The following IGF2R variants were observed in gnomAD, a reference collection of about 807,000 sequenced individuals.
IGF2R encodes the protein cation-independent mannose-6-phosphate receptor.
Under a neutral mutation model 270.6 loss-of-function variants are expected in IGF2R, and 91 were observed. The ratio of observed to expected loss-of-function variants is 0.34; its 90% confidence interval spans 0.28 to 0.40. The LOEUF (loss-of-function observed/expected upper bound fraction) is 0.40. IGF2R is among the 10% of genes least tolerant of loss of function. The pLI is 1.00. For missense variants in IGF2R, 2,805 were observed against 3,188.3 expected (o/e 0.88, Z 2.90); for synonymous variants, 1,316 against 1,258.9 (o/e 1.05, Z -0.96).
chr6:160,028,828 CTTTTT>C (rs540300763), intron 6 of IGF2R, among the ~76,000 whole-genome samples: 1 of 139,856 alleles, frequency 7.2e-6, no homozygotes, highest in Non-Finnish European at 1.6e-5. Context: ...GCTTGTCTGC[CTTTTT>C]TTTTTTTTAA....
intron 29 of IGF2R, among the ~76,000 whole-genome samples, chr6:160,066,181 A>T (rs1166394803): frequency 1.3e-5 from 2 of 151,422 alleles, no homozygotes; most frequent in Non-Finnish European, 2.9e-5. Flanking sequence ...CACCTGGCGA[A>T]TTTTTTTGTA....
At chr6:160,064,645 TTAAAA>T (rs2115265518) in intron 28 of IGF2R, 114 bp downstream of exon 28, 1 of 1,267,080 alleles carries the variant, frequency 7.9e-7, no homozygotes, top group Non-Finnish European at 1.1e-6. Context: ...TTAACTGAGT[TTAAAA>T]TAACCATTTA....
At chr6:160,029,018 G>A (rs968291148) in intron 6 of IGF2R, among the ~76,000 whole-genome samples, 1 of 152,134 alleles carries the variant, frequency 6.6e-6, no homozygotes, top group African/African-American at 2.4e-5. Flanking sequence ...GGGTCTTGCT[G>A]TGTCACGTAG....
Position 160,061,567 on chromosome 6 carries a change from T to A in IGF2R, c.3327T>A (p.Val1109=). 1 of 1,614,118 alleles carries A rather than the reference T, an allele frequency of 6.2e-7. No homozygotes were observed. The highest frequency in any genetic ancestry group is 1.1e-5 in the South Asian group (1 of 91,078). The part of the protein sequence containing the change: ...LSTVRKPWTA[V]DTSVDGRKRT... Reference sequence around the variant, plus strand: ...CAGTCAGGAAACCTTGGACGGCTGTTGACACCTCTGTCGATGGGAGAAAGA... The same window carrying A: ...CAGTCAGGAAACCTTGGACGGCTGTAGACACCTCTGTCGATGGGAGAAAGA... Residue 1109 remains valine (V), a synonymous_variant, in exon 24 of 48, where the codon GTT becomes GTA. Transcript: ENST00000356956.
rs9457821 is a variant in IGF2R at position 160,074,411 on chromosome 6, G to C, written c.5166+436G>C. On this transcript the variant is annotated intron_variant, in intron 35 of 47. Coordinates refer to ENST00000356956, the MANE Select transcript of IGF2R (RefSeq NM_000876.4). ...AAGGGCAAGAGTACGTTTGCTAATA[G>C]CTAAATATTTTGCCTTAAAAGCTTT... Among the ~76,000 whole-genome samples, 338 of 152,350 alleles carry C rather than the reference G, an allele frequency of 2.2e-3. 1 individual carries two copies. Among genetic ancestry groups the C allele is most frequent in the African/African-American group, 8.1e-3 (335 of 41,584 alleles).
In IGF2R at chr6:160,063,806, T is replaced by A. The variant is rs147231574; in HGVS notation, c.3886+176T>A. On this transcript the variant is annotated intron_variant, in intron 27 of 47. Transcript: ENST00000356956. ...GCTTGATTTTCTTAAACAGAGTACA[T>A]ACTGAAGGATGTTGGTAGAGCATGT... is the stretch of plus-strand genomic sequence containing the variant. 4.1e-3 allele frequency among the ~76,000 whole-genome samples: 618 copies of A among 152,160 alleles called. 8 individuals carry two copies. The highest frequency in any genetic ancestry group is 0.014 in the African/African-American group (596 of 41,522).
chr6:160,085,956 C>A (rs924212454), intron 41 of IGF2R, among the ~76,000 whole-genome samples: 13 of 152,268 alleles, frequency 8.5e-5, no homozygotes, highest in South Asian at 2.1e-4. Flanking sequence ...ATTGCTGCCA[C>A]TCCCACACTG....
intron 18 of IGF2R, 93 bp downstream of exon 18, chr6:160,048,636 C>T (rs1778124221): frequency 1.5e-6 from 2 of 1,310,078 alleles, no homozygotes; most frequent in Admixed American, 2.3e-5. Context: ...AGATCAAAGG[C>T]AGCACAGCTG....
At chr6:160,078,124 T>C in intron 36 of IGF2R, 77 bp from the exon 37 acceptor site, 1 of 1,454,878 alleles carries the variant, frequency 6.9e-7, no homozygotes, top group Non-Finnish European at 9.5e-7. Context: ...GCACAGCCCC[T>C]GTAGGGACGT....
intron 3 of IGF2R, 22 bp from the exon 4 acceptor site, chr6:160,010,665 A>G: frequency 7.5e-7 from 1 of 1,337,160 alleles, no homozygotes; most frequent in Non-Finnish European, 1.1e-6. Context: ...GTAACATTAT[A>G]ATTACTATTT....
Position 159,997,053 on chromosome 6 carries a change from C to G in IGF2R, c.289+5730C>G, listed in dbSNP as rs931776607. On this transcript the variant is annotated intron_variant, in intron 2 of 47. Transcript: ENST00000356956. ...TACTACCCACATCCGTGCCCAAGCACTGAGACCACCTGGCTCCTGGGCTGG... is the reference window on the plus strand; with the variant it reads ...TACTACCCACATCCGTGCCCAAGCAGTGAGACCACCTGGCTCCTGGGCTGG... Among the ~76,000 whole-genome samples the G allele has an allele frequency of 4.6e-5, 7 of 152,334 alleles. No individual in the cohort carries two copies. The East Asian group carries it at 5.8e-4, about 13-fold the overall frequency.
chr6:160,051,415 G>T (rs1354552060), intron 19 of IGF2R, among the ~76,000 whole-genome samples: 1 of 152,182 alleles, frequency 6.6e-6, no homozygotes, highest in East Asian at 1.9e-4. Context: ...TTCTTGGTCA[G>T]GTAAGGAAAT....
At position 159,969,318 on chromosome 6, in the gene IGF2R, C is replaced by CCTGCTGCAG; in HGVS notation, c.80_88dup (p.Gln27_Leu29dup). 7.7e-7 allele frequency: 1 copy of CCTGCTGCAG among 1,297,076 alleles called. No individual in the cohort carries two copies. The highest frequency in any genetic ancestry group is 9.8e-7 in the Non-Finnish European group (1 of 1,018,908). 80.3% of individuals were successfully genotyped at this position (1,297,076 alleles called of 1,614,324 possible). A position where few individuals can be genotyped will look rare whatever the true frequency, so the allele number is the denominator to read the frequency against. ...CCCGCCGCCCGCAGCGCTCTCTGCT[C>CCTGCTGCAG]CTGCTGCAGCTGCTGCTGCTCGTCG... On this transcript the variant is annotated inframe_insertion, in exon 1 of 48. Transcript: ENST00000356956.
At chr6:160,104,345 C>T (rs112586819) in intron 47 of IGF2R, among the ~76,000 whole-genome samples, 69 of 152,110 alleles carry the variant, frequency 4.5e-4, no homozygotes, top group East Asian at 1.6e-3. Context: ...CCCCCAGCTG[C>T]GCTGGGGGAT....
In IGF2R at chr6:160,106,088, A is replaced by G. The variant is rs1056374001; in HGVS notation, c.*1004A>G. The G allele has an allele frequency of 2.0e-5, 3 of 152,594 alleles. No homozygotes were observed. Among genetic ancestry groups the G allele is most frequent in the Non-Finnish European group, 4.4e-5 (3 of 68,034 alleles). 9.5% of individuals were successfully genotyped at this position (152,594 alleles called of 1,614,324 possible). A position where few individuals can be genotyped will look rare whatever the true frequency, so the allele number is the denominator to read the frequency against. On this transcript the variant is annotated 3_prime_UTR_variant, in exon 48 of 48. Transcript: ENST00000356956. The stretch of plus-strand genomic sequence containing the variant: ...ACCATTCGACCTATAAGAAGCCTTA[A>G]TTTGCACAGTGTGTGACTTACAGAA...
intron 42 of IGF2R, among the ~76,000 whole-genome samples, chr6:160,088,596 A>AGAG (rs1166378168): frequency 6.6e-6 from 1 of 152,170 alleles, no homozygotes; most frequent in African/African-American, 2.4e-5. Context: ...CTTGGCCAAC[A>AGAG]GAGGGTGCAT....
At chr6:160,081,537 C>T (rs1159284394) in intron 39 of IGF2R, among the ~76,000 whole-genome samples, 3 of 152,154 alleles carry the variant, frequency 2.0e-5, no homozygotes, top group Non-Finnish European at 4.4e-5. Context: ...GGTTCAAGAG[C>T]AGAGAACCGG....
chr6:160,065,873 C>T (rs898420761), intron 29 of IGF2R, among the ~76,000 whole-genome samples: 1 of 140,780 alleles, frequency 7.1e-6, no homozygotes, highest in Admixed American at 7.6e-5. Flanking sequence ...GAATCTCGCT[C>T]TGTCACCCAG....
Position 160,108,448 on chromosome 6 carries a change from T to C in IGF2R, c.*3364T>C, listed in dbSNP as rs1339020254. Reference sequence around the variant, plus strand: ...AGTTGAGAGCTGTAGGAGGGCCAGATTGGGCTTTTGAGCAAGATAGTCTAG... The same window carrying C: ...AGTTGAGAGCTGTAGGAGGGCCAGACTGGGCTTTTGAGCAAGATAGTCTAG... On this transcript the variant is annotated 3_prime_UTR_variant, in exon 48 of 48. Transcript: ENST00000356956. The C allele has an allele frequency of 6.6e-6, 1 of 152,184 alleles. No individual in the cohort carries two copies. The highest frequency in any genetic ancestry group is 1.5e-5 in the Non-Finnish European group (1 of 68,060). 9.4% of individuals were successfully genotyped at this position (152,184 alleles called of 1,614,324 possible).
Sources: gnomAD v4.1 joint callset for allele counts (sites outside exome capture counted in the v4.1 genomes callset) on GRCh38, gnomAD v4.1.1 for gene constraint, MANE v1.5 for transcripts, NCBI Gene and HGNC (gene_info 2026-07-23, HGNC 2026-07-21) for gene names.